SNRPN: variants seen among roughly 807,000 people sequenced by gnomAD.
The protein encoded by SNRPN is small nuclear ribonucleoprotein-associated protein N.
In SNRPN, 7 loss-of-function variants were observed where a neutral mutation model predicts 25.2. That is an observed-to-expected ratio of 0.28 (90% confidence interval 0.16 to 0.52). The LOEUF (loss-of-function observed/expected upper bound fraction) is 0.52, where lower values mean the gene tolerates loss of function less well. SNRPN is among the 20% of genes least tolerant of loss of function. The pLI is 0.96. For synonymous variants in SNRPN, 124 were observed against 110.6 expected (o/e 1.12, Z -0.76); for missense variants, 196 against 322.5 (o/e 0.61, Z 3.00).
intron 2 of SNRPN, among the ~76,000 whole-genome samples, chr15:24,842,912 C>T (rs1350112237): frequency 2.6e-5 from 4 of 152,146 alleles, no homozygotes; most frequent in Admixed American, 2.6e-4. Flanking sequence ...ATATCTATCT[C>T]CATAACTTTG....
intron 1 of SNRPN, among the ~76,000 whole-genome samples, chr15:24,862,037 G>T (rs2054029282): frequency 6.6e-6 from 1 of 150,946 alleles, no homozygotes. Context: ...CACCTGTTCT[G>T]TAAGTGTTGC....
chr15:24,903,601 T>G (rs1287023212), intron 2 of SNRPN, among the ~76,000 whole-genome samples: 1 of 152,140 alleles, frequency 6.6e-6, no homozygotes, highest in African/African-American at 2.4e-5. Flanking sequence ...TTCATTTGGT[T>G]TATAGGATTC....
chr15:24,827,017 T>G (rs1477278075), intron 1 of SNRPN, among the ~76,000 whole-genome samples: 1 of 152,024 alleles, frequency 6.6e-6, no homozygotes, highest in Non-Finnish European at 1.5e-5. Context: ...ATCCCATATA[T>G]ATACACATAC....
At chr15:24,833,994 TG>T (rs1421986578) in intron 2 of SNRPN, among the ~76,000 whole-genome samples, 11 of 152,080 alleles carry the variant, frequency 7.2e-5, no homozygotes, top group African/African-American at 2.7e-4. Flanking sequence ...GGCATGATAT[TG>T]GCTCACTGCA....
chr15:24,959,424 C>G (rs1380469065), intron 1 of SNRPN, among the ~76,000 whole-genome samples: 2 of 152,060 alleles, frequency 1.3e-5, no homozygotes, highest in Admixed American at 1.3e-4. Flanking sequence ...CCTGGGAGTT[C>G]AAGCTTGGGT....
intron 2 of SNRPN, among the ~76,000 whole-genome samples, chr15:24,887,146 C>CTTTT (rs759363529): frequency 2.3e-5 from 3 of 128,790 alleles, no homozygotes; most frequent in African/African-American, 8.9e-5. Context: ...ACACTGAGGT[C>CTTTT]TTTTTTTTTT....
upstream of SNRPN, chr15:24,856,414 A>C (rs916550477): frequency 6.6e-6 from 1 of 152,110 alleles, no homozygotes; most frequent in Non-Finnish European, 1.5e-5. Context: ...AGCCTTTGGG[A>C]TTTTCTACCC....
intron 2 of SNRPN, among the ~76,000 whole-genome samples, chr15:24,913,735 C>A (rs1211208497): frequency 1.3e-5 from 2 of 151,934 alleles, no homozygotes; most frequent in Admixed American, 6.6e-5. Flanking sequence ...TCCAAACAGA[C>A]CCCTTTAACA....
intron 1 of SNRPN, among the ~76,000 whole-genome samples, chr15:24,864,172 G>A (rs148781903): frequency 0.013 from 1,874 of 146,652 alleles, 145 homozygotes; most frequent in African/African-American, 0.046. Context: ...GACTACAGGC[G>A]CCCACCACAA....
chr15:24,976,534 C>T (rs1431012261), intron 6 of SNRPN, 118 bp downstream of exon 6: 6 of 767,476 alleles, frequency 7.8e-6, no homozygotes, highest in Non-Finnish European at 1.3e-5. Flanking sequence ...ATAAAATGTG[C>T]CAGGCACTTA....
chr15:24,954,716 C>A (rs113334112), upstream of SNRPN, among the ~76,000 whole-genome samples: 4 of 152,176 alleles, frequency 2.6e-5, no homozygotes, highest in African/African-American at 9.6e-5. Flanking sequence ...AGAATTATTT[C>A]TTTAGTATTT....
intron 2 of SNRPN, among the ~76,000 whole-genome samples, chr15:24,913,234 G>A (rs61999140): frequency 0.24 from 36,428 of 152,020 alleles, 4,666 homozygotes; most frequent in Middle Eastern, 0.3. Flanking sequence ...GCCACTGTGC[G>A]TGGCCAATAT....
intron 1 of SNRPN, among the ~76,000 whole-genome samples, chr15:24,874,165 C>CCGGG (rs1214396328): frequency 4.6e-5 from 7 of 151,676 alleles, no homozygotes; most frequent in Admixed American, 4.6e-4. Flanking sequence ...AAAAAATTAG[C>CCGGG]CGGGCGTGGT....
At chr15:24,825,589 C>G (rs2050027284) in intron 1 of SNRPN, among the ~76,000 whole-genome samples, 1 of 151,950 alleles carries the variant, frequency 6.6e-6, no homozygotes, top group South Asian at 2.1e-4. Context: ...ATTGAAATAT[C>G]ATAAATTGAA....
chr15:24,977,256 T>A (rs1034719331), intron 7 of SNRPN, among the ~76,000 whole-genome samples: 4 of 152,200 alleles, frequency 2.6e-5, no homozygotes, highest in Non-Finnish European at 5.9e-5. Flanking sequence ...AACTTGCCAC[T>A]AGTGGTGAGT....
intron 1 of SNRPN, among the ~76,000 whole-genome samples, chr15:24,956,958 C>T (rs1445276508): frequency 1.3e-5 from 2 of 152,208 alleles, no homozygotes; most frequent in African/African-American, 2.4e-5. Flanking sequence ...AGCAAGCCTC[C>T]ATTAATGATA....
chr15:24,929,953 CAA>C lies in SNRPN; in HGVS notation c.-391+9830_-391+9831del. Among the ~76,000 whole-genome samples, 1 of 151,412 alleles carries C rather than the reference CAA, an allele frequency of 6.6e-6. No homozygotes were observed. The highest frequency in any genetic ancestry group is 1.5e-5 in the Non-Finnish European group (1 of 67,824). ...CTATAATCCCAGCACTTTGGGAGGC[CAA>C]GGCGGGTGGATCACGAGGTCAGGAG... is the stretch of plus-strand genomic sequence containing the variant. On this transcript the variant is annotated intron_variant, in intron 3 of 11. Transcript: ENST00000400097. This position sits in a 1 kb window ranked among gnomAD's most constrained non-coding sequence, Gnocchi z 5.3.
At chr15:24,949,196 A>T in intron 3 of SNRPN, among the ~76,000 whole-genome samples, 1 of 150,742 alleles carries the variant, frequency 6.6e-6, no homozygotes, top group African/African-American at 2.4e-5. Flanking sequence ...TATTTTTTGT[A>T]TTTTTAGTAG....
intron 3 of SNRPN, chr15:24,920,475 T>C (rs2059962053): frequency 6.6e-6 from 1 of 151,998 alleles, no homozygotes; most frequent in Non-Finnish European, 1.5e-5. Context: ...ATTCTCAGGG[T>C]TTGGTTTGCG....
Sources: gnomAD v4.1 joint callset for allele counts (sites outside exome capture counted in the v4.1 genomes callset) on GRCh38, gnomAD v4.1.1 for gene constraint, Gnocchi (gnomAD v3.1) non-coding constraint, MANE v1.5 for transcripts, NCBI Gene and HGNC (gene_info 2026-07-23, HGNC 2026-07-21) for gene names.